The following EMC3 variants were observed in gnomAD, a reference collection of about 807,000 sequenced individuals.
EMC3 encodes 30 kDa protein.
Under a neutral mutation model 36.6 loss-of-function variants are expected in EMC3, and 13 were observed. That is an observed-to-expected ratio of 0.35 (90% CI 0.23 to 0.56). EMC3 has a LOEUF of 0.56. Ranked by LOEUF, EMC3 falls within the 20% of genes least tolerant of loss-of-function variation. The probability of loss-of-function intolerance (pLI) is 0.84; values close to 1 mark genes in which losing one functional copy is unlikely to be tolerated. For synonymous variants in EMC3, 120 were observed against 111.9 expected, an observed-to-expected ratio of 1.07 and a Z score of -0.46; for missense variants, 220 against 324.5, an observed-to-expected ratio of 0.68 and a Z score of 2.47.
At chr3:9,987,837 T>A (rs1329933189), upstream of EMC3, 4 of 627,478 alleles carry the variant, frequency 6.4e-6, no homozygotes, top group African/African-American at 3.7e-5. Flanking sequence ...TTGTCATGGT[T>A]GAGAGACTGG....
rs61596273 is a variant in EMC3, at chr3:9,963,477, A to ATATATATATATATT, written c.*591_*592insAATATATATATATA. The stretch of plus-strand genomic sequence containing the variant: ...TAGATATATATATATATATATATAT[A>ATATATATATATATT]TTTTTTTTTTTTTTTCAGATGGAGT... On this transcript the variant is annotated 3_prime_UTR_variant, in exon 8 of 8. Transcript: ENST00000245046. 89 of 88,880 alleles carry ATATATATATATATT rather than the reference A, an allele frequency of 1.0e-3. No homozygotes were observed. The highest frequency in any genetic ancestry group is 1.7e-3 in the Non-Finnish European group (78 of 46,232). The allele number at this position is 88,880 out of a possible 1,614,324, so 5.5% of individuals were successfully genotyped here. A position where few individuals can be genotyped will look rare whatever the true frequency, so the allele number is the denominator to read the frequency against.
chr3:9,966,384 G>A (rs1368454884), intron 7 of EMC3, among the ~76,000 whole-genome samples: 7 of 149,662 alleles, frequency 4.7e-5, no homozygotes, highest in East Asian at 2.0e-4. Flanking sequence ...CACCACGCCC[G>A]GCTAATTTTT....
intron 1 of EMC3, among the ~76,000 whole-genome samples, chr3:9,984,643 G>A (rs910817469): frequency 2.6e-5 from 4 of 152,098 alleles, no homozygotes; most frequent in African/African-American, 4.8e-5. Flanking sequence ...CGTCCGCCTC[G>A]GCCTCCCAAA....
At chr3:10,008,363 G>T (rs376614286) in intron 1 of EMC3, 1 of 1,354,484 alleles carries the variant, frequency 7.4e-7, no homozygotes, top group South Asian at 1.1e-5. Context: ...AGGCACCAGG[G>T]CAAAAACCCA....
intron 1 of EMC3, chr3:10,008,854 CAG>C (rs569004157): frequency 3.7e-5 from 8 of 213,634 alleles, no homozygotes; most frequent in Non-Finnish European, 6.8e-5. Context: ...GGCCCTCAAT[CAG>C]TATTTGTGCA....
At chr3:9,990,325 CTTTTTTT>C (rs4020037), upstream of EMC3, among the ~76,000 whole-genome samples, 5 of 88,706 alleles carry the variant, frequency 5.6e-5, no homozygotes, top group African/African-American at 2.9e-4. Flanking sequence ...GGGCCTTTCT[CTTTTTTT>C]TTTTTTTTTT....
upstream of EMC3, among the ~76,000 whole-genome samples, chr3:9,989,965 T>C (rs2086027357): frequency 6.6e-6 from 1 of 151,390 alleles, no homozygotes; most frequent in East Asian, 1.9e-4. Context: ...TTTTAACTTT[T>C]TTTTTTTTTT....
chr3:9,984,594 T>C (rs1432113388), intron 1 of EMC3, among the ~76,000 whole-genome samples: 4 of 152,134 alleles, frequency 2.6e-5, no homozygotes, highest in East Asian at 3.9e-4. Flanking sequence ...GGTTTCACCA[T>C]GTTAGCCAGG....
upstream of EMC3, among the ~76,000 whole-genome samples, chr3:9,990,247 A>G (rs1234020014): frequency 1.4e-5 from 2 of 144,358 alleles, no homozygotes; most frequent in Non-Finnish European, 3.0e-5. Flanking sequence ...GATGGTCTGG[A>G]TCTCCTGACC....
In EMC3 at chr3:10,007,208, C is replaced by T. The variant is rs1333449248; in HGVS notation, c.-242+3815G>A. 4.5e-6 allele frequency: 4 copies of T among 890,838 alleles called. 1 individual carries two copies. The South Asian group carries it at 5.4e-5, about 12-fold the overall frequency. 55.2% of individuals were successfully genotyped at this position (890,838 alleles called of 1,614,324 possible). A position where few individuals can be genotyped will look rare whatever the true frequency, so the allele number is the denominator to read the frequency against. ...ACCCACAGCAAATCATTAGTAGTGG[C>T]TCTGAAGGGCTGAGGCTCTGAGCAG... On this transcript the variant is annotated intron_variant, in intron 1 of 8. Coordinates refer to the EMC3 transcript ENST00000470827.
intron 1 of EMC3, among the ~76,000 whole-genome samples, chr3:9,985,481 C>A (rs191563911): frequency 2.0e-5 from 3 of 152,240 alleles, no homozygotes; most frequent in Admixed American, 2.0e-4. Context: ...GGCTGGTCTC[C>A]CACAATCCTC....
In EMC3 at chr3:10,010,673, G is replaced by A. The variant is rs866156524; in HGVS notation, c.-242+350C>T. ...AGCAAATGCTCAATGTTCACTTGTT[G>A]GCATGAATGAAACAGGAAGGCCCCT... On this transcript the variant is annotated intron_variant, in intron 1 of 8. Transcript: ENST00000470827. 5.9e-5 allele frequency among the ~76,000 whole-genome samples: 9 copies of A among 152,314 alleles called. No individual in the cohort carries two copies. The South Asian group carries it at 1.9e-3, about 32-fold the overall frequency.
intron 1 of EMC3, chr3:9,992,949 A>G (rs1384516987): frequency 3.1e-6 from 5 of 1,611,430 alleles, no homozygotes; most frequent in Middle Eastern, 1.6e-4. Context: ...GCTAAGAAAT[A>G]AGATTCGATC....
At chr3:9,987,986 TA>T, upstream of EMC3, 1 of 930,032 alleles carries the variant, frequency 1.1e-6, no homozygotes. Context: ...CAAGTAAAGT[TA>T]AAAAGTAAAG....
At chr3:9,965,944 T>C (rs2085732743) in intron 7 of EMC3, among the ~76,000 whole-genome samples, 1 of 152,238 alleles carries the variant, frequency 6.6e-6, no homozygotes, top group African/African-American at 2.4e-5. Context: ...ATGTCTACTT[T>C]TTGATTATTA....
chr3:10,002,310 A>G (rs1238735191), intron 1 of EMC3, among the ~76,000 whole-genome samples: 1 of 95,480 alleles, frequency 1.0e-5, no homozygotes, highest in Non-Finnish European at 2.1e-5. Context: ...TTATTTTGAG[A>G]TAGTGTCTGG....
At chr3:10,009,783 C>G (rs960945512) in intron 1 of EMC3, 9 of 152,288 alleles carry the variant, frequency 5.9e-5, no homozygotes, top group Non-Finnish European at 1.0e-4. Flanking sequence ...CTGCAGACGA[C>G]AACCATCAGA....
intron 7 of EMC3, among the ~76,000 whole-genome samples, chr3:9,967,373 GACTTA>G (rs1345150443): frequency 1.4e-5 from 1 of 72,566 alleles, no homozygotes; most frequent in Non-Finnish European, 2.5e-5. Context: ...GAACCATTTG[GACTTA>G]ACTTTTGTGC....
At chr3:9,988,232 A>C (rs1167945165), upstream of EMC3, 1 of 595,696 alleles carries the variant, frequency 1.7e-6, no homozygotes, top group Admixed American at 2.8e-5. Flanking sequence ...CAGGCAGACT[A>C]CAGTGCAAGT....
Sources: allele counts gnomAD v4.1 joint callset (sites outside exome capture counted in the v4.1 genomes callset), GRCh38; gene constraint gnomAD v4.1.1; transcripts MANE v1.5; gene names NCBI Gene and HGNC (gene_info 2026-07-23, HGNC 2026-07-21).